Variants in MORC4 observed in about 807,000 individuals in gnomAD.
The protein encoded by MORC4 is MORC family CW-type zinc finger protein 4.
Under a neutral mutation model 65.5 loss-of-function variants are expected in MORC4, and 22 were observed. The ratio of observed to expected loss-of-function variants is 0.34; its 90% CI spans 0.24 to 0.48. The LOEUF (loss-of-function observed/expected upper bound fraction) is 0.48. Among genes scored for constraint, MORC4 ranks in the 20% least tolerant of loss-of-function variants. The pLI, the probability that MORC4 is intolerant of heterozygous loss-of-function variation, is 0.99. For missense variants in MORC4, 624 were observed against 703.0 expected (o/e 0.89, Z 1.27); for synonymous variants, 267 against 255.8 (o/e 1.04, Z -0.42).
intron 2 of MORC4, among the ~76,000 whole-genome samples, chrX:106,998,353 T>C (rs1935115458): frequency 8.9e-6 from 1 of 112,170 alleles, no homozygotes; most frequent in African/African-American, 3.2e-5. Context: ...TTTAAGGTAA[T>C]GCTTATGGCC....
chrX:106,991,873 C>A (rs1248405711), intron 3 of MORC4, among the ~76,000 whole-genome samples: 1 of 111,402 alleles, frequency 9.0e-6, no homozygotes, highest in Non-Finnish European at 1.9e-5. Context: ...CCACTGCACT[C>A]CAGCCTGGGT....
At chrX:106,971,911 G>C (rs1340832962) in intron 9 of MORC4, among the ~76,000 whole-genome samples, 1 of 111,874 alleles carries the variant, frequency 8.9e-6, no homozygotes, top group East Asian at 2.8e-4. Flanking sequence ...ACAGTGTGGC[G>C]ATTCCTCAAG....
chrX:106,967,149 G>A (rs147515613), intron 9 of MORC4, among the ~76,000 whole-genome samples: 590 of 111,261 alleles, frequency 5.3e-3, no homozygotes, highest in Non-Finnish European at 7.2e-3. Flanking sequence ...GCCTCCACTC[G>A]TGAGATACCC....
Position 106,986,015 on chromosome X carries a change from A to G in MORC4, c.494T>C (p.Ile165Thr). 8.3e-7 allele frequency: 1 copy of G among 1,210,467 alleles called. No individual in the cohort carries two copies. Among genetic ancestry groups the G allele is most frequent in the Non-Finnish European group, 1.1e-6 (1 of 894,509 alleles). The change falls in exon 4 of 17, where the codon ATT becomes ACT. Residue 165 changes from isoleucine (I) to threonine (T), a missense_variant. Transcript: ENST00000355610. ...YLECVQAQAV[I>T]VPIVPFNQQN... ...CTGGTTGAATGGAACAATTGGTACA[A>G]TAACTGCCTGGGCCTGGACACATTC...
Position 107,000,014 on chromosome X carries a change from G to T in MORC4, c.-45C>A. On this transcript the variant is annotated 5_prime_UTR_variant, in exon 1 of 17. Coordinates refer to ENST00000355610, the MANE Select transcript of MORC4 (RefSeq NM_024657.5). The stretch of plus-strand genomic sequence containing the variant: ...CCCGTCTGCTGCCGCCGGACCCCTG[G>T]CCCGGCGGTCCGGGACTAGCCCTCG... 3.1e-6 allele frequency: 2 copies of T among 635,950 alleles called. No homozygotes were observed. Among genetic ancestry groups the T allele is most frequent in the Non-Finnish European group, 4.0e-6 (2 of 499,730 alleles). 52.4% of individuals were successfully genotyped at this position (635,950 alleles called of 1,213,427 possible). A position where few individuals can be genotyped will look rare whatever the true frequency, so the allele number is the denominator to read the frequency against.
chrX:106,980,760 T>A (rs1391805544), intron 7 of MORC4, 131 bp downstream of exon 7: 4 of 548,733 alleles, frequency 7.3e-6, no homozygotes, highest in Admixed American at 3.2e-5. Flanking sequence ...GAGTACACTG[T>A]AATAGAATGT....
chrX:106,970,192 T>C (rs1049570244), intron 9 of MORC4, among the ~76,000 whole-genome samples: 1 of 111,779 alleles, frequency 8.9e-6, no homozygotes, highest in African/African-American at 3.3e-5. Flanking sequence ...TCAATAAACA[T>C]AATCCATCAC....
chrX:106,989,866 C>CA (rs752325388), intron 3 of MORC4, among the ~76,000 whole-genome samples: 208 of 54,086 alleles, frequency 3.8e-3, no homozygotes, highest in Admixed American at 5.5e-3. Context: ...AAACTCCATC[C>CA]AAAAAAAAAA....
In MORC4 at chrX:106,942,684, G is replaced by C; in HGVS notation, c.2207C>G (p.Ala736Gly). Residue 736 changes from alanine (A) to glycine (G), a missense_variant, in exon 15 of 17, where the codon GCC becomes GGC. Transcript: ENST00000355610. ...ESWNPVPYSV[A>G]SAAIPAAAIG... ...GGCTGCAGCAGGGATTGCAGCAGAGGCCACAGAATAAGGCACTGGGTTCCA... is the reference window on the plus strand; with the variant it reads ...GGCTGCAGCAGGGATTGCAGCAGAGCCCACAGAATAAGGCACTGGGTTCCA... 1 of 1,211,643 alleles carries C rather than the reference G, an allele frequency of 8.3e-7. No individual in the cohort carries two copies. The highest frequency in any genetic ancestry group is 1.1e-6 in the Non-Finnish European group (1 of 895,445).
intron 7 of MORC4, among the ~76,000 whole-genome samples, chrX:106,978,766 CT>C (rs1180370164): frequency 9.0e-6 from 1 of 111,363 alleles, no homozygotes; most frequent in Admixed American, 9.6e-5. Flanking sequence ...CACATAGGTT[CT>C]GATAAGAGCT....
intron 2 of MORC4, among the ~76,000 whole-genome samples, chrX:106,998,362 C>T (rs1186856744): frequency 3.6e-5 from 4 of 111,766 alleles, no homozygotes; most frequent in Non-Finnish European, 7.5e-5. Flanking sequence ...ATGCTTATGG[C>T]CAAAATCACA....
At position 106,941,607 on chromosome X, in the gene MORC4, G is replaced by A. The variant is rs1202750739; in HGVS notation, c.2686C>T (p.Arg896Cys). The A allele has an allele frequency of 1.7e-6, 2 of 1,210,309 alleles. No individual in the cohort carries two copies. The highest frequency in any genetic ancestry group is 2.2e-6 in the Non-Finnish European group (2 of 894,618). ...GTAAGGAGATAGCTGACGTGGATAC[G>A]TAGCCGCGTAAGCTTTGCCAAAGCC... Reference protein sequence around the residue: ...ERALAKLTRLRIHVSYLLTSV... With the variant: ...ERALAKLTRLCIHVSYLLTSV... Residue 896 changes from arginine (R) to cysteine (C), a missense_variant, in exon 17 of 17, where the codon CGT becomes TGT. Physicochemically the swap from Arg to Cys is radical, Grantham distance 180. Coordinates refer to ENST00000355610, the MANE Select transcript of MORC4 (RefSeq NM_024657.5).
chrX:106,997,340 G>A (rs190653982), intron 2 of MORC4, among the ~76,000 whole-genome samples: 5 of 111,020 alleles, frequency 4.5e-5, no homozygotes, highest in East Asian at 2.8e-4. Flanking sequence ...ATATAAATCC[G>A]TATCTCTCTC....
At chrX:106,960,392 C>T (rs145982797) in intron 10 of MORC4, among the ~76,000 whole-genome samples, 3,427 of 111,668 alleles carry the variant, frequency 0.031, 137 homozygotes, top group African/African-American at 0.11. Context: ...TTACTACATT[C>T]CCTTCATTGC....
At position 106,960,703 on chromosome X, in the gene MORC4, T is replaced by C. The variant is rs995047339; in HGVS notation, c.1256+1309A>G. 3.2e-4 allele frequency among the ~76,000 whole-genome samples: 36 copies of C among 112,036 alleles called. No individual in the cohort carries two copies. In the Admixed American group the frequency reaches 3.3e-3, roughly 10 times the overall value. ...CCAGCACACACACTCTCTAGCAGTA[T>C]GTGAACATCTGTTTCATTGCATTAA... On this transcript the variant is annotated intron_variant, in intron 10 of 16. Coordinates refer to ENST00000355610, the MANE Select transcript of MORC4 (RefSeq NM_024657.5).
intron 7 of MORC4, among the ~76,000 whole-genome samples, chrX:106,980,604 T>G (rs1056594709): frequency 1.8e-5 from 2 of 111,484 alleles, no homozygotes; most frequent in Non-Finnish European, 3.8e-5. Context: ...TTAAAATAAA[T>G]AAATAATTCT....
intron 9 of MORC4, among the ~76,000 whole-genome samples, chrX:106,962,442 C>A (rs895033180): frequency 8.9e-6 from 1 of 111,904 alleles, no homozygotes; most frequent in Admixed American, 9.5e-5. Flanking sequence ...GACCAAACTG[C>A]AGAGATAGGA....
At chrX:106,961,864 A>G in intron 10 of MORC4, 148 bp downstream of exon 10, 1 of 479,430 alleles carries the variant, frequency 2.1e-6, no homozygotes, top group Non-Finnish European at 3.6e-6. Flanking sequence ...TGTAACACTC[A>G]CCACGAAGGT....
chrX:106,975,851 C>T (rs2147818551), intron 9 of MORC4, among the ~76,000 whole-genome samples: 1 of 110,966 alleles, frequency 9.0e-6, no homozygotes, highest in Admixed American at 9.7e-5. Context: ...CCCCACTTTG[C>T]ACATACCCCC....
Sources: gnomAD v4.1 joint callset for allele counts (sites outside exome capture counted in the v4.1 genomes callset) on GRCh38, gnomAD v4.1.1 for gene constraint, MANE v1.5 for transcripts, NCBI Gene and HGNC (gene_info 2026-07-23, HGNC 2026-07-21) for gene names.